Variants in CFAP57 observed in about 807,000 individuals in gnomAD.
CFAP57 encodes cilia and flagella associated protein 57, also known as cilia- and flagella-associated protein 57.
A neutral mutation model predicts 146.8 loss-of-function variants in CFAP57; 116 were observed. The observed-to-expected ratio is 0.79, with a 90% CI of 0.68 to 0.92. CFAP57 has a LOEUF of 0.92. Among genes scored for constraint, CFAP57 ranks in the 40% least tolerant of loss-of-function variants. The probability of loss-of-function intolerance (pLI) is 0.00; values close to 1 mark genes in which losing one functional copy is unlikely to be tolerated. For missense variants in CFAP57, 1,377 were observed against 1,527.2 expected, an observed-to-expected ratio of 0.90 and a Z score of 1.64; for synonymous variants, 518 against 552.8, an observed-to-expected ratio of 0.94 and a Z score of 0.88.
intron 11 of CFAP57, chr1:43,210,429 C>A: frequency 8.7e-7 from 1 of 1,155,896 alleles, no homozygotes; most frequent in Non-Finnish European, 1.1e-6. Flanking sequence ...AACCAAGCAT[C>A]CATCGACAGA....
At chr1:43,252,595 A>C (rs1409838980) in intron 22 of CFAP57, among the ~76,000 whole-genome samples, 1 of 152,220 alleles carries the variant, frequency 6.6e-6, no homozygotes, top group Non-Finnish European at 1.5e-5. Context: ...ACTTGAAAAA[A>C]TAAACCACCA....
chr1:43,185,080 C>T lies in CFAP57; in HGVS notation c.762-69C>T, dbSNP rs1642947730. 3.9e-6 allele frequency: 6 copies of T among 1,544,694 alleles called. No homozygotes were observed. The East Asian group carries it at 6.7e-5, about 17-fold the overall frequency. On this transcript the variant is annotated intron_variant, in intron 4 of 22. Coordinates refer to ENST00000372492, the MANE Select transcript of CFAP57 (RefSeq NM_001378189.1). The stretch of plus-strand genomic sequence containing the variant: ...CACACCCAGTGACAGTCTTCTTTCT[C>T]CTCCCCAGCAGAATTCATCTCCTCA...
At chr1:43,185,089 C>T in intron 4 of CFAP57, 60 bp from the exon 5 acceptor site, 1 of 1,570,936 alleles carries the variant, frequency 6.4e-7, no homozygotes, top group South Asian at 1.1e-5. Context: ...TCCTCCCCAG[C>T]AGAATTCATC....
At chr1:43,237,337 A>T (rs995919086) in intron 21 of CFAP57, among the ~76,000 whole-genome samples, 2 of 152,230 alleles carry the variant, frequency 1.3e-5, no homozygotes, top group Non-Finnish European at 2.9e-5. Flanking sequence ...TTGCTATGAG[A>T]TACAAACATC....
chr1:43,227,262 TC>T, intron 18 of CFAP57, 136 bp downstream of exon 18: 1 of 1,075,936 alleles, frequency 9.3e-7, no homozygotes, highest in Non-Finnish European at 1.2e-6. Flanking sequence ...CAGCCTCCAG[TC>T]CACAGGGGTG....
At chr1:43,185,970 G>A (rs1253922628) in intron 5 of CFAP57, among the ~76,000 whole-genome samples, 2 of 151,532 alleles carry the variant, frequency 1.3e-5, no homozygotes, top group Admixed American at 6.6e-5. Context: ...ATGGTGGCAC[G>A]TGTCTGTAAT....
chr1:43,214,156 G>C (rs1434875217), intron 11 of CFAP57, among the ~76,000 whole-genome samples: 1 of 152,044 alleles, frequency 6.6e-6, no homozygotes, highest in East Asian at 1.9e-4. Flanking sequence ...AATGTGCTGG[G>C]ATTACAGGTG....
At chr1:43,197,323 C>T (rs1643906367) in intron 6 of CFAP57, among the ~76,000 whole-genome samples, 1 of 152,130 alleles carries the variant, frequency 6.6e-6, no homozygotes, top group African/African-American at 2.4e-5. Flanking sequence ...CGCCACTGCA[C>T]TCCAGCCTGG....
At chr1:43,210,460 G>C in intron 11 of CFAP57, 1 of 1,071,612 alleles carries the variant, frequency 9.3e-7, no homozygotes, top group Non-Finnish European at 1.1e-6. Context: ...AGCAAAAGAT[G>C]GTATATCTAT....
chr1:43,212,046 T>C (rs576216581), intron 11 of CFAP57, among the ~76,000 whole-genome samples: 19 of 152,374 alleles, frequency 1.2e-4, no homozygotes, highest in South Asian at 4.1e-4. Flanking sequence ...GAAATACTTA[T>C]AGGTTTAGAG....
rs1335516694 is a variant in CFAP57 at position 43,238,627 on chromosome 1, CGACCTCAATGT to C, written c.3405+3996_3405+4006del. Among the ~76,000 whole-genome samples the C allele has an allele frequency of 6.6e-6, 1 of 152,166 alleles. No individual in the cohort carries two copies. Among genetic ancestry groups the C allele is most frequent in the Non-Finnish European group, 1.5e-5 (1 of 68,040 alleles). The stretch of plus-strand genomic sequence containing the variant: ...CAAAGCCATCCAAAGCAAAAACGGT[CGACCTCAATGT>C]GACCTCGGGACCCCTCGGAACACAG... On this transcript the variant is annotated intron_variant, in intron 21 of 22. Coordinates refer to ENST00000372492, the MANE Select transcript of CFAP57 (RefSeq NM_001378189.1). This position sits in a 1 kb window ranked among gnomAD's most constrained non-coding sequence, Gnocchi z 4.3.
chr1:43,198,129 G>C (rs890954013), intron 7 of CFAP57, among the ~76,000 whole-genome samples: 9 of 151,960 alleles, frequency 5.9e-5, no homozygotes, highest in African/African-American at 2.2e-4. Flanking sequence ...CAGCTTCCCT[G>C]GGAAGCTCCA....
chr1:43,177,299 T>G (rs867360019), intron 2 of CFAP57: 8 of 435,814 alleles, frequency 1.8e-5, no homozygotes, highest in Middle Eastern at 3.5e-4. Context: ...GACAGATTTC[T>G]TCATAGACAC....
intron 22 of CFAP57, among the ~76,000 whole-genome samples, chr1:43,251,301 A>G (rs1053454000): frequency 2.0e-5 from 3 of 152,252 alleles, no homozygotes; most frequent in Admixed American, 6.5e-5. Context: ...TCTCAAATCC[A>G]TATCTCTGAC....
In CFAP57 at chr1:43,222,869, A is replaced by G. The variant is rs1473522174; in HGVS notation, c.2578A>G (p.Lys860Glu). Residue 860 changes from lysine to glutamate, a missense_variant, in exon 16 of 23, where the codon AAG (lysine) becomes GAG (glutamate). Coordinates refer to ENST00000372492, the MANE Select transcript of CFAP57 (RefSeq NM_001378189.1). ...RQQLREFEET[K>E]KQIEEDEDRE... is the part of the protein sequence containing the mutation. ...GCAGCTGCGGGAGTTTGAAGAGACC[A>G]AGAAGCAGATTGAGGAAGATGAAGA... The G allele has an allele frequency of 8.4e-6, 13 of 1,550,164 alleles. No individual in the cohort carries two copies. The Admixed American group carries it at 9.8e-5, about 12-fold the overall frequency.
chr1:43,172,462 G>A lies in CFAP57; in HGVS notation c.-20+9G>A, dbSNP rs1386907996. The A allele has an allele frequency of 6.5e-7, 1 of 1,543,744 alleles. No individual in the cohort carries two copies. Among genetic ancestry groups the A allele is most frequent in the Non-Finnish European group, 8.8e-7 (1 of 1,142,592 alleles). On this transcript the variant is annotated intron_variant, in intron 1 of 22. Transcript: ENST00000372492. ...CCAGAGAGAAACGAAAGGTGGGAGG[G>A]GGTACCTGGGGGTCGCCAGAAGGAG...
At chr1:43,195,587 G>C (rs1045471194) in intron 6 of CFAP57, among the ~76,000 whole-genome samples, 1 of 151,726 alleles carries the variant, frequency 6.6e-6, no homozygotes. Context: ...AGCAATGGAC[G>C]GTTGAAGACA....
chr1:43,228,838 G>T (rs1447649357), intron 18 of CFAP57, among the ~76,000 whole-genome samples: 1 of 149,264 alleles, frequency 6.7e-6, no homozygotes, highest in East Asian at 2.1e-4. Flanking sequence ...GGCTCCAGCA[G>T]ATTTGGTGTC....
chr1:43,187,057 A>G (rs1643174657), intron 6 of CFAP57, among the ~76,000 whole-genome samples, 198 bp downstream of exon 6: 1 of 152,240 alleles, frequency 6.6e-6, no homozygotes, highest in African/African-American at 2.4e-5. Context: ...TGTGATTGCT[A>G]CAGTAACTTT....
Sources: gnomAD v4.1 joint callset for allele counts (sites outside exome capture counted in the v4.1 genomes callset) on GRCh38, gnomAD v4.1.1 for gene constraint, Gnocchi (gnomAD v3.1) non-coding constraint, MANE v1.5 for transcripts, NCBI Gene and HGNC (gene_info 2026-07-23, HGNC 2026-07-21) for gene names.